TMLHE: variants seen among roughly 807,000 people sequenced by gnomAD.
TMLHE encodes the protein trimethyllysine hydroxylase, epsilon.
Under a neutral mutation model 25.7 loss-of-function variants are expected in TMLHE, and 18 were observed. The ratio of observed to expected loss-of-function variants is 0.70; its 90% CI spans 0.48 to 1.04. The LOEUF is 1.04. TMLHE is among the 50% of genes least tolerant of loss of function. The pLI is 0.00. For missense variants in TMLHE, 236 were observed against 259.0 expected, an observed-to-expected ratio of 0.91 and a Z score of 0.61; for synonymous variants, 105 against 97.0, an observed-to-expected ratio of 1.08 and a Z score of -0.49.
chrX:155,578,612 G>A (rs2067605843), intron 1 of TMLHE, among the ~76,000 whole-genome samples: 1 of 111,890 alleles, frequency 8.9e-6, no homozygotes, highest in African/African-American at 3.3e-5. Context: ...CAATGCTATT[G>A]CCATTGCCCA....
intron 1 of TMLHE, among the ~76,000 whole-genome samples, chrX:155,553,844 T>C (rs1487888894): frequency 1.8e-5 from 2 of 110,675 alleles, no homozygotes; most frequent in East Asian, 5.6e-4. Context: ...CTATGAATAA[T>C]AACATATATA....
chrX:155,598,644 T>C (rs2067738183), intron 1 of TMLHE, among the ~76,000 whole-genome samples: 1 of 109,588 alleles, frequency 9.1e-6, no homozygotes, highest in South Asian at 4.1e-4. Context: ...ATGGCACATG[T>C]ATACATATGT....
Position 155,506,920 on chromosome X carries a change from T to G in TMLHE, c.973A>C (p.Asn325His). The change falls in exon 6 of 8, where the codon AAT (asparagine) becomes CAT (histidine). Residue 325 changes from asparagine to histidine, a missense_variant. Asn to His is a moderately conservative substitution (Grantham distance 68). This residue lies in a region of TMLHE where 19 missense variants were observed against 44.4 expected (regional missense o/e 0.43). Transcript: ENST00000334398. ...CACCTGATCAAATACAGCTCTTTAT[T>G]CCATGGGTAGATATTTAAGACTGGC... Reference protein sequence around the residue: ...IGPVLNIYPWNKELYLIRYNN... With the variant: ...IGPVLNIYPWHKELYLIRYNN... 8.3e-7 allele frequency: 1 copy of G among 1,208,768 alleles called. No homozygotes were observed. The highest frequency in any genetic ancestry group is 3.0e-5 in the East Asian group (1 of 33,791).
chrX:155,511,636 A>C (rs782158459), intron 5 of TMLHE, 37 bp downstream of exon 5: 2 of 1,154,202 alleles, frequency 1.7e-6, no homozygotes, highest in African/African-American at 3.5e-5. Context: ...ACTATCACAT[A>C]TAAAGACTTT....
intron 5 of TMLHE, among the ~76,000 whole-genome samples, chrX:155,510,719 T>C (rs2124328593): frequency 9.2e-6 from 1 of 109,080 alleles, no homozygotes; most frequent in East Asian, 2.9e-4. Context: ...TACGTGTGCA[T>C]GTGTCTTTAT....
intron 1 of TMLHE, among the ~76,000 whole-genome samples, chrX:155,578,493 G>C (rs782620809): frequency 9.0e-6 from 1 of 111,634 alleles, no homozygotes; most frequent in Non-Finnish European, 1.9e-5. Context: ...ACCACTGCTG[G>C]CAAACACCAA....
chrX:155,543,157 C>T (rs970410401), intron 2 of TMLHE, among the ~76,000 whole-genome samples: 16 of 111,136 alleles, frequency 1.4e-4, no homozygotes, highest in Non-Finnish European at 2.3e-4. Flanking sequence ...ATGATGTTCA[C>T]TCTTCCTACT....
intron 1 of TMLHE, among the ~76,000 whole-genome samples, chrX:155,564,292 A>G (rs1214939116): frequency 3.2e-5 from 2 of 62,155 alleles, no homozygotes; most frequent in Admixed American, 1.9e-4. Context: ...AAAAAAGCAG[A>G]TGCCATGATA....
rs1249378216 is a variant in TMLHE at position 155,570,874 on chromosome X, G to A, written c.-1-25597C>T. On this transcript the variant is annotated intron_variant, in intron 1 of 7. Coordinates refer to ENST00000334398, the MANE Select transcript of TMLHE (RefSeq NM_018196.4). ...TTTATAGCACTAAATACCCACAAGA[G>A]AAGCAGGAAAGATCCAAAATTGACA... Among the ~76,000 whole-genome samples, 20 of 57,241 alleles carry A rather than the reference G, an allele frequency of 3.5e-4. 7 individuals carry two copies. The highest frequency in any genetic ancestry group is 2.4e-3 in the Admixed American group (12 of 4,909). 49.7% of individuals were successfully genotyped at this position (57,241 alleles called of 115,157 possible). A position where few individuals can be genotyped will look rare whatever the true frequency, so the allele number is the denominator to read the frequency against.
intron 1 of TMLHE, among the ~76,000 whole-genome samples, chrX:155,608,656 C>T (rs1344897033): frequency 8.9e-6 from 1 of 112,010 alleles, no homozygotes; most frequent in Non-Finnish European, 1.9e-5. Context: ...GCAAACTAGG[C>T]ATCTGACAAA....
chrX:155,596,761 T>C (rs2067722976), intron 1 of TMLHE, among the ~76,000 whole-genome samples: 1 of 111,828 alleles, frequency 8.9e-6, no homozygotes, highest in Non-Finnish European at 1.9e-5. Flanking sequence ...CCCCAATCTT[T>C]TGGCGCCTCT....
chrX:155,582,064 G>A (rs12689493), intron 1 of TMLHE, among the ~76,000 whole-genome samples: 1 of 112,075 alleles, frequency 8.9e-6, no homozygotes, highest in Admixed American at 9.4e-5. Context: ...ACAAATACAA[G>A]AAATGGGGCA....
intron 1 of TMLHE, among the ~76,000 whole-genome samples, chrX:155,548,078 T>C (rs1216780290): frequency 9.0e-6 from 1 of 111,612 alleles, no homozygotes; most frequent in Admixed American, 9.6e-5. Context: ...CCTCTTGCCA[T>C]ATACAAAAAA....
At chrX:155,536,038 C>T (rs985288158) in intron 2 of TMLHE, among the ~76,000 whole-genome samples, 1 of 111,892 alleles carries the variant, frequency 8.9e-6, no homozygotes, top group Non-Finnish European at 1.9e-5. Context: ...CTGCCTAGTT[C>T]ATATTCAATA....
chrX:155,569,759 A>G (rs1194161149), intron 1 of TMLHE, among the ~76,000 whole-genome samples: 1 of 53,625 alleles, frequency 1.9e-5, no homozygotes, highest in African/African-American at 4.5e-5. Context: ...AAGGAGAAAT[A>G]AAATACTTTA....
intron 1 of TMLHE, among the ~76,000 whole-genome samples, chrX:155,592,258 G>A (rs2067697725): frequency 8.9e-6 from 1 of 111,793 alleles, no homozygotes; most frequent in Admixed American, 9.4e-5. Flanking sequence ...CAGGAGAAAG[G>A]AGTTCAAGAC....
chrX:155,547,249 A>C (rs1419190689), intron 1 of TMLHE, among the ~76,000 whole-genome samples: 1 of 89,110 alleles, frequency 1.1e-5, no homozygotes, highest in South Asian at 6.2e-4. Flanking sequence ...GGTTCACGCC[A>C]TTCTCCTGCC....
intron 1 of TMLHE, among the ~76,000 whole-genome samples, chrX:155,596,601 G>T (rs781937552): frequency 8.9e-6 from 1 of 112,138 alleles, no homozygotes; most frequent in Non-Finnish European, 1.9e-5. Context: ...TCAAAAGAAA[G>T]AAATGAGGCT....
At chrX:155,522,644 C>T (rs1408812153) in intron 3 of TMLHE, among the ~76,000 whole-genome samples, 1 of 112,177 alleles carries the variant, frequency 8.9e-6, no homozygotes, top group African/African-American at 3.2e-5. Flanking sequence ...AACATGAAAT[C>T]ATGCAGATTG....
Sources: allele counts gnomAD v4.1 joint callset (sites outside exome capture counted in the v4.1 genomes callset), GRCh38; gene constraint gnomAD v4.1.1; regional missense constraint gnomAD v4.1.1; transcripts MANE v1.5; gene names NCBI Gene and HGNC (gene_info 2026-07-23, HGNC 2026-07-21).